The following LAT2 variants were observed in gnomAD, a reference collection of about 807,000 sequenced individuals.
The protein encoded by LAT2 is linker for activation of T cells family member 2, also known as linker for activation of T-cells family member 2.
Under a neutral mutation model 43.4 loss-of-function variants are expected in LAT2, and 23 were observed. That is an observed-to-expected ratio of 0.53 (90% CI 0.38 to 0.75). The LOEUF (loss-of-function observed/expected upper bound fraction) is 0.75, where lower values mean the gene tolerates loss of function less well. Ranked by LOEUF, LAT2 falls within the 30% of genes least tolerant of loss-of-function variation. The pLI, the probability that LAT2 is intolerant of heterozygous loss-of-function variation, is 0.00. For missense variants in LAT2, 284 were observed against 310.2 expected, an observed-to-expected ratio of 0.92 and a Z score of 0.64; for synonymous variants, 128 against 123.2, an observed-to-expected ratio of 1.04 and a Z score of -0.26.
intron 10 of LAT2, among the ~76,000 whole-genome samples, chr7:74,222,826 T>C (rs1802342069): frequency 6.6e-6 from 1 of 152,118 alleles, no homozygotes; most frequent in Non-Finnish European, 1.5e-5. Context: ...CCGCCCGCCT[T>C]GGCCTCCCAA....
rs1485093231 is a variant in LAT2 at position 74,229,615 on chromosome 7, T to G, written c.*690T>G. 1 of 152,384 alleles carries G rather than the reference T, an allele frequency of 6.6e-6. No homozygotes were observed. The highest frequency in any genetic ancestry group is 1.5e-5 in the Non-Finnish European group (1 of 68,020). 9.4% of individuals were successfully genotyped at this position (152,384 alleles called of 1,614,324 possible). On this transcript the variant is annotated 3_prime_UTR_variant, in exon 14 of 14. Coordinates refer to ENST00000460943, the MANE Select transcript of LAT2 (RefSeq NM_032464.3). Reference sequence around the variant, plus strand: ...TGCTACAGACAATAGTGCATGAGAGTCTAGAGAAGTAGTGACCAGAACAGG... The same window carrying G: ...TGCTACAGACAATAGTGCATGAGAGGCTAGAGAAGTAGTGACCAGAACAGG...
intron 13 of LAT2, among the ~76,000 whole-genome samples, chr7:74,228,034 G>C (rs556931450): frequency 1.3e-5 from 2 of 151,524 alleles, no homozygotes; most frequent in African/African-American, 4.9e-5. Flanking sequence ...AAATTAGCCA[G>C]GTGTGGTGGC....
At position 74,214,101 on chromosome 7, in the gene LAT2, AAT is replaced by A. The variant is rs528805643; in HGVS notation, c.-218-712_-218-711del. Among the ~76,000 whole-genome samples, 48 of 89,538 alleles carry A rather than the reference AAT, an allele frequency of 5.4e-4. 2 individuals are homozygous for A. The highest frequency in any genetic ancestry group is 7.0e-4 in the African/African-American group (12 of 17,172). The allele number at this position is 89,538 out of a possible 152,430, so 58.7% of individuals were successfully genotyped here. A position where few individuals can be genotyped will look rare whatever the true frequency, so the allele number is the denominator to read the frequency against. On this transcript the variant is annotated intron_variant, in intron 1 of 13. Coordinates refer to ENST00000460943, the MANE Select transcript of LAT2 (RefSeq NM_032464.3). The stretch of plus-strand genomic sequence containing the variant: ...ATATATATATGAAAAAATATATATA[AAT>A]ATATATATGAAAATATATATATAAA...
chr7:74,221,361 G>A (rs1055210235), intron 9 of LAT2, among the ~76,000 whole-genome samples: 1 of 142,642 alleles, frequency 7.0e-6, no homozygotes, highest in Admixed American at 7.4e-5. Context: ...GTTGCAGTGA[G>A]CCGAGATCAT....
chr7:74,214,203 A>T (rs1427570951), intron 1 of LAT2, among the ~76,000 whole-genome samples: 1 of 87,954 alleles, frequency 1.1e-5, no homozygotes, highest in Non-Finnish European at 2.1e-5. Flanking sequence ...TATATATGAA[A>T]ATATATATGA....
intron 10 of LAT2, 79 bp from the exon 11 acceptor site, chr7:74,223,639 AGGGAAG>A: frequency 7.6e-7 from 1 of 1,317,098 alleles, no homozygotes; most frequent in Non-Finnish European, 1.1e-6. Flanking sequence ...TCCCCTGCAA[AGGGAAG>A]GCAGGACAGA....
rs1274716508 is a variant in LAT2 at position 74,224,871 on chromosome 7, G to A, written c.*18+111G>A. On this transcript the variant is annotated intron_variant, in intron 13 of 13. Transcript: ENST00000460943. ...AGAGTGTGGGTGGAGGGGCCATGGTGGGGGCTACAGGGTGCACCCATGGGT... is the reference window on the plus strand; with the variant it reads ...AGAGTGTGGGTGGAGGGGCCATGGTAGGGGCTACAGGGTGCACCCATGGGT... The A allele has an allele frequency of 5.2e-6, 4 of 769,342 alleles. No homozygotes were observed. The African/African-American group carries it at 7.1e-5, about 14-fold the overall frequency. 47.7% of individuals were successfully genotyped at this position (769,342 alleles called of 1,614,324 possible).
intron 10 of LAT2, among the ~76,000 whole-genome samples, chr7:74,223,006 C>T (rs1272248064): frequency 6.6e-6 from 1 of 152,142 alleles, no homozygotes; most frequent in African/African-American, 2.4e-5. Flanking sequence ...CAGCCTGGGT[C>T]CCCGAGCAAA....
rs1802221835 is a variant in LAT2, at chr7:74,220,417, C to T, written c.265+163C>T. ...GGGCAGGGCAGGCTCCTGGAATCGG[C>T]CTGGCAGGGGGAGGGTGCACACTCG... On this transcript the variant is annotated intron_variant, in intron 7 of 13. Transcript: ENST00000460943. The surrounding 1 kb of genome is among the most constrained non-coding windows in gnomAD (Gnocchi z 4.5). 1.6e-6 allele frequency: 2 copies of T among 1,224,126 alleles called. No homozygotes were observed. Among genetic ancestry groups the T allele is most frequent in the Non-Finnish European group, 1.2e-6 (1 of 853,630 alleles). The allele number at this position is 1,224,126 out of a possible 1,614,324, so 75.8% of individuals were successfully genotyped here. A position where few individuals can be genotyped will look rare whatever the true frequency, so the allele number is the denominator to read the frequency against.
intron 13 of LAT2, among the ~76,000 whole-genome samples, 154 bp from the exon 14 acceptor site, chr7:74,228,788 CAA>C (rs782556105): frequency 1.2e-4 from 17 of 136,002 alleles, no homozygotes; most frequent in Admixed American, 7.5e-5. Context: ...GACTCCATCT[CAA>C]AAAAAAAAAA....
chr7:74,215,981 C>T lies in LAT2; in HGVS notation c.6C>T (p.Ser2=). 1 of 1,614,108 alleles carries T rather than the reference C, an allele frequency of 6.2e-7. No individual in the cohort carries two copies. Among genetic ancestry groups the T allele is most frequent in the Non-Finnish European group, 8.5e-7 (1 of 1,180,010 alleles). ...AGGCAACACCAGGAGCCAACATGAG[C>T]TCGGGGACTGAACTGCTGTGGCCCG... M[S]SGTELLWPGA... Residue 2 remains serine, a synonymous_variant, in exon 3 of 14, where the codon AGC becomes AGT. Coordinates refer to ENST00000460943, the MANE Select transcript of LAT2 (RefSeq NM_032464.3).
rs1461105050 is a variant in LAT2, at chr7:74,229,207, A to G, written c.*282A>G. The G allele has an allele frequency of 1.3e-5, 2 of 152,252 alleles. No homozygotes were observed. The highest frequency in any genetic ancestry group is 3.8e-4 in the East Asian group (2 of 5,200). The allele number at this position is 152,252 out of a possible 1,614,324, so 9.4% of individuals were successfully genotyped here. On this transcript the variant is annotated 3_prime_UTR_variant, in exon 14 of 14. Coordinates refer to ENST00000460943, the MANE Select transcript of LAT2 (RefSeq NM_032464.3). ...TACCAAGGGTAACCCGGCTCCTGGT[A>G]TGGACGGATGCGCAGGATTTAGGAT...
intron 1 of LAT2, among the ~76,000 whole-genome samples, chr7:74,211,107 G>A (rs1389931670): frequency 1.3e-5 from 2 of 152,164 alleles, no homozygotes; most frequent in Admixed American, 6.5e-5. Context: ...CTGCAGAACC[G>A]TGGTCTGTGG....
chr7:74,227,368 C>T (rs575482745), intron 13 of LAT2, among the ~76,000 whole-genome samples: 3 of 152,040 alleles, frequency 2.0e-5, no homozygotes, highest in African/African-American at 4.8e-5. Flanking sequence ...TACAGGCACA[C>T]GCCACAACAC....
rs1370094506 is a variant in LAT2, at chr7:74,214,139, AAAATATATAT to A, written c.-218-671_-218-662del. ...AAATATATATATAAATATATATATG[AAAATATATAT>A]AAATATATATATGAAAATATATATA... On this transcript the variant is annotated intron_variant, in intron 1 of 13. Transcript: ENST00000460943. Among the ~76,000 whole-genome samples the A allele has an allele frequency of 1.8e-3, 109 of 59,808 alleles. 2 individuals are homozygous for A. Among genetic ancestry groups the A allele is most frequent in the East Asian group, 4.2e-3 (13 of 3,074 alleles). The allele number at this position is 59,808 out of a possible 152,430, so 39.2% of individuals were successfully genotyped here.
rs1554715816 is a variant in LAT2 at position 74,224,653 on chromosome 7, G to C, written c.643G>C (p.Glu215Gln). The change falls in exon 13 of 14, where the codon GAA (glutamate) becomes CAA (glutamine). Residue 215 changes from glutamate (E) to glutamine (Q), a missense_variant. Transcript: ENST00000460943. ...SRKVMGQLQR[E>Q]ASPGPVGSPD... The stretch of plus-strand genomic sequence containing the variant: ...CTGGTCCACAGGGCAACTCCAGAGA[G>C]AAGCATCCCCTGGCCCGGTGGGAAG... 1 of 1,603,558 alleles carries C rather than the reference G, an allele frequency of 6.2e-7. No individual in the cohort carries two copies. Among genetic ancestry groups the C allele is most frequent in the Non-Finnish European group, 8.5e-7 (1 of 1,175,368 alleles).
intron 4 of LAT2, among the ~76,000 whole-genome samples, chr7:74,217,660 CTG>C (rs1802092690): frequency 1.3e-5 from 2 of 152,130 alleles, no homozygotes; most frequent in African/African-American, 4.8e-5. Context: ...CAGGGAAGGA[CTG>C]TGAGAAAGAC....
At chr7:74,213,456 G>T (rs1445699502) in intron 1 of LAT2, among the ~76,000 whole-genome samples, 1 of 110,632 alleles carries the variant, frequency 9.0e-6, no homozygotes, top group Non-Finnish European at 1.7e-5. Flanking sequence ...ATGGAGTCTC[G>T]CTCTGTTGCC....
intron 1 of LAT2, among the ~76,000 whole-genome samples, chr7:74,213,455 C>T (rs566085484): frequency 2.9e-4 from 37 of 126,330 alleles, no homozygotes; most frequent in South Asian, 1.6e-3. Flanking sequence ...GATGGAGTCT[C>T]GCTCTGTTGC....
Sources: gnomAD v4.1 joint callset for allele counts (sites outside exome capture counted in the v4.1 genomes callset) on GRCh38, gnomAD v4.1.1 for gene constraint, Gnocchi (gnomAD v3.1) non-coding constraint, MANE v1.5 for transcripts, NCBI Gene and HGNC (gene_info 2026-07-23, HGNC 2026-07-21) for gene names.